Variants in PLXNA4 observed in about 807,000 individuals in gnomAD.
PLXNA4 encodes the protein plexin A4.
PLXNA4 carries 44 observed loss-of-function variants against 191.8 expected under a neutral mutation model. That is an observed-to-expected ratio of 0.23 (90% CI 0.18 to 0.29). The LOEUF (loss-of-function observed/expected upper bound fraction) is 0.29. PLXNA4 is among the 10% of genes least tolerant of loss of function. The pLI, the probability that PLXNA4 is intolerant of heterozygous loss-of-function variation, is 1.00. For synonymous variants in PLXNA4, 1,082 were observed against 1,009.5 expected (o/e 1.07, Z -1.36); for missense variants, 1,800 against 2,488.8 (o/e 0.72, Z 5.89).
At chr7:132,569,043 G>A (rs940773986) in intron 1 of PLXNA4, among the ~76,000 whole-genome samples, 2 of 152,196 alleles carry the variant, frequency 1.3e-5, no homozygotes, top group African/African-American at 2.4e-5. Flanking sequence ...GCTTGACCTG[G>A]TATTCCCAAC....
intron 30 of PLXNA4, among the ~76,000 whole-genome samples, chr7:132,138,587 C>T (rs1363395247): frequency 6.6e-6 from 1 of 152,178 alleles, no homozygotes; most frequent in Non-Finnish European, 1.5e-5. Context: ...TGTCTTTGTA[C>T]CCCGGTCCCG....
intron 3 of PLXNA4, among the ~76,000 whole-genome samples, chr7:132,343,587 C>T (rs1803124185): frequency 6.6e-6 from 1 of 152,226 alleles, no homozygotes; most frequent in Non-Finnish European, 1.5e-5. Flanking sequence ...AAGTGGGAAA[C>T]TGAGGCTCAG....
At chr7:132,297,829 C>T (rs142819839) in intron 4 of PLXNA4, among the ~76,000 whole-genome samples, 53 of 152,218 alleles carry the variant, frequency 3.5e-4, no homozygotes, top group African/African-American at 1.2e-3. Flanking sequence ...ATGTTGGCCC[C>T]GAACATATAT....
At chr7:132,309,659 C>T (rs943080916) in intron 3 of PLXNA4, among the ~76,000 whole-genome samples, 2 of 152,172 alleles carry the variant, frequency 1.3e-5, no homozygotes, top group Admixed American at 1.3e-4. Context: ...GAAATCTGGC[C>T]TCCTCTGGAG....
chr7:132,458,137 C>T (rs1796376047), intron 3 of PLXNA4, among the ~76,000 whole-genome samples: 1 of 152,092 alleles, frequency 6.6e-6, no homozygotes, highest in Non-Finnish European at 1.5e-5. Flanking sequence ...CCTTCCAGAA[C>T]CCACTACACC....
chr7:132,593,885 G>A (rs919015709), intron 2 of PLXNA4, among the ~76,000 whole-genome samples: 2 of 152,244 alleles, frequency 1.3e-5, no homozygotes, highest in Non-Finnish European at 2.9e-5. Context: ...TCCTATGCTA[G>A]GGCTGAGAAA....
rs570839377 is a variant in PLXNA4 at position 132,595,889 on chromosome 7, C to G, written c.-87+50039G>C. Among the ~76,000 whole-genome samples, 7 of 152,292 alleles carry G rather than the reference C, an allele frequency of 4.6e-5. No homozygotes were observed. In the South Asian group the frequency reaches 1.2e-3, roughly 27 times the overall value. On this transcript the variant is annotated intron_variant, in intron 2 of 4. Transcript: ENST00000378539. ...TTCACTTCTGGACCCTTCAGCAAAC[C>G]TCTTTTGAGAACGAAACATTATCCT...
chr7:132,642,617 C>T (rs891416977), intron 2 of PLXNA4, among the ~76,000 whole-genome samples: 1 of 152,144 alleles, frequency 6.6e-6, no homozygotes, highest in Non-Finnish European at 1.5e-5. Flanking sequence ...AGCAGAGATA[C>T]AGGCAGAGGC....
At position 132,179,862 on chromosome 7, in the gene PLXNA4, C is replaced by T. The variant is rs777962621; in HGVS notation, c.3699G>A (p.Pro1233=). 14 of 1,612,940 alleles carry T rather than the reference C, an allele frequency of 8.7e-6. No individual in the cohort carries two copies. The highest frequency in any genetic ancestry group is 1.0e-5 in the Non-Finnish European group (12 of 1,179,950). ...TGCTGACGATGGCGGGCAGGCTGAG[C>T]GGGCTGTCCGGGGCAATGTACACCA... ...PGMVYIAPDS[P]LSLPAIVSIA... The change falls in exon 20 of 32, where the codon CCG becomes CCA. Residue 1233 remains proline, a synonymous_variant. Transcript: ENST00000321063.
intron 3 of PLXNA4, among the ~76,000 whole-genome samples, chr7:132,439,772 C>T (rs1392132477): frequency 6.6e-6 from 1 of 152,222 alleles, no homozygotes; most frequent in African/African-American, 2.4e-5. Flanking sequence ...TTTTCCCTTT[C>T]CCTAAAGGCC....
chr7:132,508,175 G>C lies in PLXNA4; in HGVS notation c.519C>G (p.Ile173Met). Residue 173 changes from isoleucine to methionine, a missense_variant, in exon 2 of 32, where the codon ATC (isoleucine) becomes ATG (methionine). Transcript: ENST00000321063. This position sits in a 1 kb window ranked among gnomAD's most constrained non-coding sequence, Gnocchi z 4.4. ...TGTCATCCAGGTTGCTGTAGGAGAC[G>C]ATCACTCCAAAGACTGAGCCGCTCT... is the stretch of plus-strand genomic sequence containing the variant. ...VNESGSVFGV[I>M]VSYSNLDDKL... 6 of 1,614,136 alleles carry C rather than the reference G, an allele frequency of 3.7e-6. No individual in the cohort carries two copies. Among genetic ancestry groups the C allele is most frequent in the Non-Finnish European group, 5.1e-6 (6 of 1,180,022 alleles).
intron 2 of PLXNA4, among the ~76,000 whole-genome samples, chr7:132,582,943 T>C (rs1278595372): frequency 6.6e-6 from 1 of 152,182 alleles, no homozygotes; most frequent in Non-Finnish European, 1.5e-5. Flanking sequence ...GTCCTGCCAG[T>C]CACTCCCTTC....
upstream of PLXNA4, among the ~76,000 whole-genome samples, chr7:132,580,493 C>T (rs570112744): frequency 6.6e-6 from 1 of 152,226 alleles, no homozygotes; most frequent in Admixed American, 6.5e-5. Flanking sequence ...GGACCCATGG[C>T]CACAAGAGGG....
chr7:132,630,156 C>G (rs1194783076), intron 2 of PLXNA4, among the ~76,000 whole-genome samples: 1 of 151,996 alleles, frequency 6.6e-6, no homozygotes, highest in African/African-American at 2.4e-5. Flanking sequence ...GGCCTGGTGT[C>G]TCTTCTTATA....
At chr7:132,349,541 G>C (rs528136949) in intron 3 of PLXNA4, among the ~76,000 whole-genome samples, 1 of 152,274 alleles carries the variant, frequency 6.6e-6, no homozygotes, top group East Asian at 1.9e-4. Context: ...GATCATATTT[G>C]GAAAGGCCCT....
intron 1 of PLXNA4, among the ~76,000 whole-genome samples, chr7:132,556,435 T>C (rs1300537687): frequency 6.6e-6 from 1 of 152,212 alleles, no homozygotes; most frequent in Admixed American, 6.5e-5. Flanking sequence ...TATTGGTAGG[T>C]AGGGTAGAAT....
intron 3 of PLXNA4, among the ~76,000 whole-genome samples, chr7:132,437,825 T>C (rs2288979): frequency 0.74 from 112,761 of 151,852 alleles, 45,489 homozygotes; most frequent in Non-Finnish European, 0.91. Flanking sequence ...GTCATGTGAT[T>C]GCAGAGGGCA....
chr7:132,610,404 T>C (rs1322112180), intron 2 of PLXNA4, among the ~76,000 whole-genome samples: 27 of 152,170 alleles, frequency 1.8e-4, no homozygotes, highest in Non-Finnish European at 1.5e-5. Context: ...CTGGCAGGCA[T>C]TTGGAGGGCA....
At chr7:132,362,963 C>T (rs936694843) in intron 3 of PLXNA4, among the ~76,000 whole-genome samples, 2 of 152,248 alleles carry the variant, frequency 1.3e-5, no homozygotes, top group African/African-American at 2.4e-5. Context: ...GTAACTATTA[C>T]CACCATCTAT....
Sources: gnomAD v4.1 joint callset for allele counts (sites outside exome capture counted in the v4.1 genomes callset) on GRCh38, gnomAD v4.1.1 for gene constraint, Gnocchi (gnomAD v3.1) non-coding constraint, MANE v1.5 for transcripts, NCBI Gene and HGNC (gene_info 2026-07-23, HGNC 2026-07-21) for gene names.